The following UNC5D variants were observed in gnomAD, a reference collection of about 807,000 sequenced individuals.
UNC5D encodes netrin receptor UNC5D.
In UNC5D, 39 loss-of-function variants were observed where a neutral mutation model predicts 105.4. The ratio of observed to expected loss-of-function variants is 0.37; its 90% CI spans 0.29 to 0.48. The LOEUF is 0.48. Ranked by LOEUF, UNC5D falls within the 20% of genes least tolerant of loss-of-function variation. UNC5D has a pLI of 0.98. For missense variants in UNC5D, 991 were observed against 1,202.4 expected (o/e 0.82, Z 2.60); for synonymous variants, 452 against 450.4 (o/e 1.00, Z -0.04).
At chr8:35,287,736 G>A (rs1275436591) in intron 1 of UNC5D, among the ~76,000 whole-genome samples, 2 of 152,082 alleles carry the variant, frequency 1.3e-5, no homozygotes, top group African/African-American at 4.8e-5. Context: ...GAGCCCTGGA[G>A]GTTGAGGCTG....
intron 1 of UNC5D, among the ~76,000 whole-genome samples, chr8:35,415,595 T>C (rs1805476156): frequency 6.6e-6 from 1 of 152,122 alleles, no homozygotes; most frequent in African/African-American, 2.4e-5. Flanking sequence ...CTCTTACACA[T>C]TGACCATGGG....
chr8:35,363,128 C>T (rs1801940289), intron 1 of UNC5D, among the ~76,000 whole-genome samples: 1 of 152,028 alleles, frequency 6.6e-6, no homozygotes, highest in Non-Finnish European at 1.5e-5. Context: ...ATTTTTTAGG[C>T]TGTATTAGTC....
At chr8:35,310,488 C>T (rs942991597) in intron 1 of UNC5D, among the ~76,000 whole-genome samples, 11 of 152,030 alleles carry the variant, frequency 7.2e-5, no homozygotes, top group Admixed American at 3.9e-4. Context: ...GGTGTGGTAA[C>T]GCATCCCTGT....
At chr8:35,443,034 C>T (rs1313780531) in intron 1 of UNC5D, among the ~76,000 whole-genome samples, 2 of 151,752 alleles carry the variant, frequency 1.3e-5, no homozygotes, top group Non-Finnish European at 2.9e-5. Context: ...GTAGCTTCCT[C>T]TGGGTTTACA....
At chr8:35,676,696 T>A (rs977955044) in intron 4 of UNC5D, among the ~76,000 whole-genome samples, 4 of 152,240 alleles carry the variant, frequency 2.6e-5, no homozygotes, top group African/African-American at 9.6e-5. Flanking sequence ...GCCAGTCATT[T>A]CCACGAGAAA....
chr8:35,566,197 A>G (rs1224029908), intron 2 of UNC5D, among the ~76,000 whole-genome samples: 1 of 152,118 alleles, frequency 6.6e-6, no homozygotes, highest in African/African-American at 2.4e-5. Flanking sequence ...ACAAATTTAG[A>G]AAGTATACCT....
Position 35,716,525 on chromosome 8 carries a change from A to G in UNC5D, c.1118-5685A>G, listed in dbSNP as rs1828259344. Among the ~76,000 whole-genome samples the G allele has an allele frequency of 3.3e-5, 5 of 152,330 alleles. No individual in the cohort carries two copies. The South Asian group carries it at 1.0e-3, about 32-fold the overall frequency. ...CAATCATGAGGCTTTGAGAAAGGCAAGTAATTCTCTCACCTCAGTTTACAC... is the reference window on the plus strand; with the variant it reads ...CAATCATGAGGCTTTGAGAAAGGCAGGTAATTCTCTCACCTCAGTTTACAC... On this transcript the variant is annotated intron_variant, in intron 8 of 16. Transcript: ENST00000404895.
intron 7 of UNC5D, among the ~76,000 whole-genome samples, chr8:35,700,309 T>C (rs1371119854): frequency 6.6e-6 from 1 of 150,972 alleles, no homozygotes; most frequent in East Asian, 1.9e-4. Flanking sequence ...TTAATTTTGT[T>C]CCCCCCATCT....
chr8:35,534,393 A>G (rs1275925453), intron 1 of UNC5D, among the ~76,000 whole-genome samples: 1 of 151,960 alleles, frequency 6.6e-6, no homozygotes, highest in Non-Finnish European at 1.5e-5. Flanking sequence ...GCTTATTTCT[A>G]ATTTGCAGTT....
At chr8:35,268,400 C>G (rs1805041109) in intron 1 of UNC5D, among the ~76,000 whole-genome samples, 1 of 152,088 alleles carries the variant, frequency 6.6e-6, no homozygotes, top group African/African-American at 2.4e-5. Context: ...TCTTTTTCCA[C>G]TCTAAAAGCC....
chr8:35,316,321 G>T (rs1276150548), intron 1 of UNC5D, among the ~76,000 whole-genome samples: 1 of 152,148 alleles, frequency 6.6e-6, no homozygotes, highest in African/African-American at 2.4e-5. Flanking sequence ...AATAATGAAG[G>T]GAGAAGATTT....
intron 1 of UNC5D, among the ~76,000 whole-genome samples, chr8:35,510,162 C>T (rs1455212500): frequency 2.0e-5 from 3 of 151,960 alleles, no homozygotes; most frequent in Non-Finnish European, 4.4e-5. Flanking sequence ...ACCTTCATTC[C>T]CTCTCTCCTC....
intron 7 of UNC5D, among the ~76,000 whole-genome samples, chr8:35,695,363 A>G (rs1387686951): frequency 1.3e-5 from 2 of 152,164 alleles, no homozygotes; most frequent in Non-Finnish European, 2.9e-5. Flanking sequence ...ACTAACAGTT[A>G]AAAACAACTC....
chr8:35,548,585 T>C (rs1815870339), intron 1 of UNC5D, among the ~76,000 whole-genome samples: 1 of 152,214 alleles, frequency 6.6e-6, no homozygotes, highest in Non-Finnish European at 1.5e-5. Flanking sequence ...ATCCAGTTTA[T>C]TCCTTTCATT....
Position 35,787,319 on chromosome 8 carries a change from G to GT in UNC5D, c.2658-3038dup, listed in dbSNP as rs1256979041. On this transcript the variant is annotated intron_variant, in intron 16 of 16. Coordinates refer to ENST00000404895, the MANE Select transcript of UNC5D (RefSeq NM_080872.4). ...GTACTGCTGCTTTTTTGTTGTAGCT[G>GT]TTGTTTTTGAAACAACAATAGAGAT... Among the ~76,000 whole-genome samples, 8 of 152,262 alleles carry GT rather than the reference G, an allele frequency of 5.3e-5. No individual in the cohort carries two copies. In the East Asian group the frequency reaches 1.5e-3, roughly 29 times the overall value.
intron 16 of UNC5D, among the ~76,000 whole-genome samples, chr8:35,779,761 AGT>A (rs1451895970): frequency 6.6e-6 from 1 of 152,080 alleles, no homozygotes; most frequent in African/African-American, 2.4e-5. Context: ...TAGCCAGGAG[AGT>A]GTTCTTGACC....
chr8:35,728,318 G>T (rs1023785128), intron 10 of UNC5D, among the ~76,000 whole-genome samples: 4 of 151,828 alleles, frequency 2.6e-5, no homozygotes, highest in Non-Finnish European at 5.9e-5. Flanking sequence ...ATATGTAGAG[G>T]GAGAGCCATG....
At chr8:35,268,861 C>T (rs985267467) in intron 1 of UNC5D, among the ~76,000 whole-genome samples, 5 of 152,026 alleles carry the variant, frequency 3.3e-5, no homozygotes, top group African/African-American at 9.7e-5. Flanking sequence ...GAAGACATTA[C>T]TGTATGTATT....
rs375484433 is a variant in UNC5D, at chr8:35,544,565, A to G, written c.104-4727A>G. ...GGCAGGAACAAACAGGAAAAAGGAC[A>G]GTACCAACCACACCTATTCTTTCGT... On this transcript the variant is annotated intron_variant, in intron 1 of 16. Transcript: ENST00000404895. The G allele has an allele frequency of 7.2e-5, 114 of 1,584,842 alleles. No homozygotes were observed. In the Admixed American group the frequency reaches 1.9e-3, roughly 27 times the overall value.
Sources: allele counts gnomAD v4.1 joint callset (sites outside exome capture counted in the v4.1 genomes callset), GRCh38; gene constraint gnomAD v4.1.1; transcripts MANE v1.5; gene names NCBI Gene and HGNC (gene_info 2026-07-23, HGNC 2026-07-21).